Variants in ABCA2 observed in about 807,000 individuals in gnomAD.
ABCA2 encodes ATP binding cassette subfamily A member 2.
Under a neutral mutation model 262.8 loss-of-function variants are expected in ABCA2, and 84 were observed. The observed-to-expected ratio is 0.32, with a 90% CI of 0.27 to 0.38. The LOEUF (loss-of-function observed/expected upper bound fraction) is 0.38, where lower values mean the gene tolerates loss of function less well. Ranked by LOEUF, ABCA2 falls within the 10% of genes least tolerant of loss-of-function variation. The probability of loss-of-function intolerance (pLI) is 1.00; values close to 1 mark genes in which losing one functional copy is unlikely to be tolerated. For synonymous variants in ABCA2, 1,696 were observed against 1,502.9 expected (o/e 1.13, Z -2.97); for missense variants, 2,662 against 3,405.9 (o/e 0.78, Z 5.44).
chr9:137,017,153 G>C, intron 18 of ABCA2, 29 bp from the exon 19 acceptor site: 1 of 1,611,678 alleles, frequency 6.2e-7, no homozygotes, highest in Non-Finnish European at 8.5e-7. Flanking sequence ...CAGCACGTGG[G>C]GTGGCCCGGC....
At position 137,018,889 on chromosome 9, in the gene ABCA2, GC is replaced by G; in HGVS notation, c.1722+13del. On this transcript the variant is annotated intron_variant, in intron 12 of 48. Coordinates refer to ENST00000341511, the MANE Select transcript of ABCA2 (RefSeq NM_001606.5). ...GGGGGTGTCGTGGGTTGGCTCGGAG[GC>G]CCCACCGCTCACCTTGGACATGAAC... 1 of 1,612,050 alleles carries G rather than the reference GC, an allele frequency of 6.2e-7. No homozygotes were observed. Among genetic ancestry groups the G allele is most frequent in the African/African-American group, 1.3e-5 (1 of 75,006 alleles).
rs1831111633 is a variant in ABCA2 at position 137,012,889 on chromosome 9, A to T, written c.4904T>A (p.Val1635Glu). 6 of 1,568,232 alleles carry T rather than the reference A, an allele frequency of 3.8e-6. No homozygotes were observed. Among genetic ancestry groups the T allele is most frequent in the Non-Finnish European group, 5.2e-6 (6 of 1,155,216 alleles). The change falls in exon 31 of 49, where the codon GTA (valine) becomes GAA (glutamate). Residue 1635 changes from valine to glutamate, a missense_variant. Around this residue, in one of 12 missense-constraint regions of ABCA2, gnomAD observed 192 missense variants for 207.2 expected, o/e 0.93. Coordinates refer to ENST00000341511, the MANE Select transcript of ABCA2 (RefSeq NM_001606.5). ...WTSAPSLPRL[V>E]REPVRCTCSA... ...GCAGGTGCAGCGGACGGGCTCCCGT[A>T]CCAGGCGCGGCAGGGAGGGTGCCGA... is the stretch of plus-strand genomic sequence containing the variant.
rs1385730887 is a variant in ABCA2 at position 137,015,072 on chromosome 9, T to TG, written c.3722dup (p.Gly1242ArgfsTer92). On this transcript the variant is annotated frameshift_variant, in exon 25 of 49. Transcript: ENST00000341511. LOFTEE classifies it high-confidence loss of function. ...AGCAGCTGCTCAGCGGGGCCCGACC[T>TG]GGGGGGCTGGATGCCAGCCCTGGCT... The TG allele has an allele frequency of 1.9e-6, 3 of 1,597,130 alleles. No homozygotes were observed. The highest frequency in any genetic ancestry group is 2.6e-6 in the Non-Finnish European group (3 of 1,172,584).
Position 137,022,395 on chromosome 9 carries a change from T to C in ABCA2, c.523A>G (p.Ser175Gly). ...FLTQNLSLPN[S>G]TAQALLAARV... The stretch of plus-strand genomic sequence containing the variant: ...GCGGCCAAGAGTGCTTGGGCCGTGC[T>C]ATTGGGCAGCGACAAGTTTTGCGTC... The change falls in exon 6 of 49, where the codon AGC becomes GGC. Residue 175 changes from serine (S) to glycine (G), a missense_variant. Ser to Gly is a moderately conservative substitution (Grantham distance 56). Around this residue, in one of 12 missense-constraint regions of ABCA2, gnomAD observed 403 missense variants for 375.9 expected, o/e 1.07. Transcript: ENST00000341511. 2 of 1,611,552 alleles carry C rather than the reference T, an allele frequency of 1.2e-6. No individual in the cohort carries two copies. The highest frequency in any genetic ancestry group is 8.5e-7 in the Non-Finnish European group (1 of 1,179,574).
At chr9:137,017,425 G>T in intron 17 of ABCA2, 77 bp downstream of exon 17, 1 of 1,600,976 alleles carries the variant, frequency 6.2e-7, no homozygotes, top group Non-Finnish European at 8.5e-7. Flanking sequence ...AGGGTCCAGG[G>T]GGCTCTGAGA....
rs1244108796 is a variant in ABCA2 at position 137,013,254 on chromosome 9, C to T, written c.4615G>A (p.Val1539Met). 6.3e-7 allele frequency: 1 copy of T among 1,594,678 alleles called. No homozygotes were observed. Among genetic ancestry groups the T allele is most frequent in the East Asian group, 2.3e-5 (1 of 44,360 alleles). Residue 1539 changes from valine to methionine, a missense_variant, in exon 30 of 49, where the codon GTG becomes ATG. Around this residue, in one of 12 missense-constraint regions of ABCA2, gnomAD observed 192 missense variants for 207.2 expected, o/e 0.93. Transcript: ENST00000341511. ...LVSTFRLPSG[V>M]GATCVLKSPA... Reference sequence around the variant, plus strand: ...GACTTGAGCACGCAGGTGGCACCCACCCCCGACGGCAGCCGGAACGTGCTC... The same window carrying T: ...GACTTGAGCACGCAGGTGGCACCCATCCCCGACGGCAGCCGGAACGTGCTC...
At position 137,016,184 on chromosome 9, in the gene ABCA2, T is replaced by C. The variant is rs1233267955; in HGVS notation, c.3105-10A>G. 6.2e-7 allele frequency: 1 copy of C among 1,612,268 alleles called. No individual in the cohort carries two copies. The highest frequency in any genetic ancestry group is 8.5e-7 in the Non-Finnish European group (1 of 1,179,782). On this transcript the variant is annotated splice_polypyrimidine_tract_variant and intron_variant, in intron 21 of 48. Coordinates refer to ENST00000341511, the MANE Select transcript of ABCA2 (RefSeq NM_001606.5). ...GCCGGTCAGGATGGACCTGGGTAGG[T>C]GGGCGGGGTCATGACCCCACGCCCT... is the stretch of plus-strand genomic sequence containing the variant.
intron 1 of ABCA2, among the ~76,000 whole-genome samples, chr9:137,026,275 T>C (rs1334319478): frequency 6.6e-6 from 1 of 152,190 alleles, no homozygotes; most frequent in Non-Finnish European, 1.5e-5. Flanking sequence ...CTCCAGACCC[T>C]GAGCTCTGCC....
Position 137,021,138 on chromosome 9 carries a change from G to A in ABCA2, c.898-77C>T. The A allele has an allele frequency of 1.4e-6, 2 of 1,436,970 alleles. No homozygotes were observed. The highest frequency in any genetic ancestry group is 1.8e-6 in the Non-Finnish European group (2 of 1,098,188). 89.0% of individuals were successfully genotyped at this position (1,436,970 alleles called of 1,614,324 possible). Reference sequence around the variant, plus strand: ...GGTGATAGGTCAGGAGTGGAGCAGGGAGACAGCAGCAGGGAGACACAAGCT... The same window carrying A: ...GGTGATAGGTCAGGAGTGGAGCAGGAAGACAGCAGCAGGGAGACACAAGCT... On this transcript the variant is annotated intron_variant, in intron 8 of 48. Transcript: ENST00000341511. This position sits in a 1 kb window ranked among gnomAD's most constrained non-coding sequence, Gnocchi z 6.0.
rs766430952 is a variant in ABCA2, at chr9:137,020,741, G to C, written c.1218C>G (p.Phe406Leu). The change falls in exon 9 of 49, where the codon TTC becomes TTG. Residue 406 changes from phenylalanine (F) to leucine (L), a missense_variant. Around this residue, in one of 12 missense-constraint regions of ABCA2, gnomAD observed 92 missense variants for 146.7 expected, o/e 0.63. Transcript: ENST00000341511. ...GCTGCAGGCCGGCCCAGAGCTGTACGAAGGCTGAGCACTGGCCCTGCAGCG... is the reference window on the plus strand; with the variant it reads ...GCTGCAGGCCGGCCCAGAGCTGTACCAAGGCTGAGCACTGGCCCTGCAGCG... ...PDTLQGQCSA[F>L]VQLWAGLQPI... 7.5e-6 allele frequency: 12 copies of C among 1,602,100 alleles called. No homozygotes were observed. The highest frequency in any genetic ancestry group is 8.5e-6 in the Non-Finnish European group (10 of 1,178,982).
Position 137,013,322 on chromosome 9 carries a change from C to A in ABCA2, c.4551-4G>T, listed in dbSNP as rs578187657. 1 of 1,539,222 alleles carries A rather than the reference C, an allele frequency of 6.5e-7. No homozygotes were observed. Among genetic ancestry groups the A allele is most frequent in the Non-Finnish European group, 8.7e-7 (1 of 1,149,254 alleles). On this transcript the variant is annotated splice_polypyrimidine_tract_variant and splice_region_variant and intron_variant, in intron 29 of 48. Transcript: ENST00000341511. The stretch of plus-strand genomic sequence containing the variant: ...GGCGTCGGGCGATAGCCGCAGCCTG[C>A]GGGCACCGACAGTGTGAGGTGGGGC...
chr9:137,007,847 G>T lies in ABCA2; in HGVS notation c.*82C>A. The T allele has an allele frequency of 6.4e-7, 1 of 1,571,198 alleles. No homozygotes were observed. Among genetic ancestry groups the T allele is most frequent in the South Asian group, 1.1e-5 (1 of 88,338 alleles). On this transcript the variant is annotated 3_prime_UTR_variant, in exon 49 of 49. Transcript: ENST00000341511. ...CTCCAGGCCCTGGCAGGCACTGGGGGACTTCTGTCCCCATTGTTGAGTCCC... is the reference window on the plus strand; with the variant it reads ...CTCCAGGCCCTGGCAGGCACTGGGGTACTTCTGTCCCCATTGTTGAGTCCC...
intron 40 of ABCA2, 44 bp downstream of exon 40, chr9:137,010,576 T>C: frequency 1.9e-6 from 2 of 1,044,082 alleles, no homozygotes; most frequent in African/African-American, 2.4e-5. Flanking sequence ...CCCCTGGCCC[T>C]GGCCTACCCC....
Position 137,012,124 on chromosome 9 carries a change from C to A in ABCA2, c.5338G>T (p.Ala1780Ser). The A allele has an allele frequency of 6.2e-7, 1 of 1,612,474 alleles. No homozygotes were observed. The highest frequency in any genetic ancestry group is 8.5e-7 in the Non-Finnish European group (1 of 1,179,870). Residue 1780 changes from alanine to serine, a missense_variant, in exon 34 of 49, where the codon GCC (alanine) becomes TCC (serine). Around this residue, in one of 12 missense-constraint regions of ABCA2, gnomAD observed 602 missense variants for 897.4 expected, o/e 0.67. Transcript: ENST00000341511. Reference sequence around the variant, plus strand: ...TACAGGTAATCCAGGGAGAGGCTGGCGCTGGTCTTATTCATGGGGTGGTTG... The same window carrying A: ...TACAGGTAATCCAGGGAGAGGCTGGAGCTGGTCTTATTCATGGGGTGGTTG... ...VTNHPMNKTSASLSLDYLLQG... is the reference protein window; with the variant it reads ...VTNHPMNKTSSSLSLDYLLQG...
chr9:137,026,298 C>G (rs1381367619), intron 1 of ABCA2, among the ~76,000 whole-genome samples: 2 of 152,248 alleles, frequency 1.3e-5, no homozygotes, highest in Admixed American at 1.3e-4. Flanking sequence ...GGGTGGAGCT[C>G]TGCCCAGGGT....
rs1831320320 is a variant in ABCA2 at position 137,017,957 on chromosome 9, G to A, written c.2096+16C>T. The A allele has an allele frequency of 1.2e-6, 2 of 1,612,404 alleles. No individual in the cohort carries two copies. Among genetic ancestry groups the A allele is most frequent in the Non-Finnish European group, 1.7e-6 (2 of 1,179,790 alleles). ...AGCCCCAGCCCCAGCCCCAGCCCCG[G>A]GCGCCCAGCACTCACTCATCGCGTG... On this transcript the variant is annotated intron_variant, in intron 15 of 48. Coordinates refer to ENST00000341511, the MANE Select transcript of ABCA2 (RefSeq NM_001606.5).
At chr9:137,020,287 C>T (rs1167996329) in intron 10 of ABCA2, 49 bp downstream of exon 10, 2 of 1,605,942 alleles carry the variant, frequency 1.2e-6, no homozygotes, top group East Asian at 2.2e-5. Flanking sequence ...CCTGCAGAGA[C>T]CCCCTCCCAC....
In ABCA2 at chr9:137,011,443, C is replaced by A. The variant is rs35099111; in HGVS notation, c.5763G>T (p.Val1921=). The A allele has an allele frequency of 0.01, 16,912 of 1,611,226 alleles. 112 individuals carry two copies. The highest frequency in any genetic ancestry group is 0.012 in the Non-Finnish European group (14,700 of 1,179,258). ...CGAAGAGCTGTAGCAGGAAGGTGGCCACGGTGGCGGTGATGCCGATGAAGA... is the reference window on the plus strand; with the variant it reads ...CGAAGAGCTGTAGCAGGAAGGTGGCAACGGTGGCGGTGATGCCGATGAAGA... ...INLFIGITAT[V]ATFLLQLFEH... Residue 1921 remains valine (V), a synonymous_variant, in exon 37 of 49, where the codon GTG becomes GTT. Transcript: ENST00000341511. The surrounding 1 kb of genome is among the most constrained non-coding windows in gnomAD (Gnocchi z 8.8).
At chr9:137,010,485 A>G (rs781047543) in intron 40 of ABCA2, 114 bp from the exon 41 acceptor site, 1 of 1,089,798 alleles carries the variant, frequency 9.2e-7, no homozygotes. Flanking sequence ...CGTGCCCCAC[A>G]GCCCCACCCC....
Sources: allele counts gnomAD v4.1 joint callset (sites outside exome capture counted in the v4.1 genomes callset), GRCh38; gene constraint gnomAD v4.1.1; regional missense constraint gnomAD v4.1.1; non-coding constraint Gnocchi (gnomAD v3.1); transcripts MANE v1.5; gene names NCBI Gene and HGNC (gene_info 2026-07-23, HGNC 2026-07-21).